The following CGGBP1 variants were observed in gnomAD, a reference collection of about 807,000 sequenced individuals.
CGGBP1 encodes the protein CGG triplet repeat binding protein 1, also known as CGG triplet repeat-binding protein 1.
In CGGBP1, 4 loss-of-function variants were observed where a neutral mutation model predicts 11.4. The ratio of observed to expected loss-of-function variants is 0.35; its 90% CI spans 0.17 to 0.80. The LOEUF (loss-of-function observed/expected upper bound fraction) is 0.80, where lower values mean the gene tolerates loss of function less well. Among genes scored for constraint, CGGBP1 ranks in the 30% least tolerant of loss-of-function variants. The probability of loss-of-function intolerance (pLI) is 0.52; values close to 1 mark genes in which losing one functional copy is unlikely to be tolerated. For synonymous variants in CGGBP1, 76 were observed against 74.1 expected, an observed-to-expected ratio of 1.03 and a Z score of -0.13; for missense variants, 135 against 202.1, an observed-to-expected ratio of 0.67 and a Z score of 2.01.
intron 2 of CGGBP1, among the ~76,000 whole-genome samples, chr3:88,135,733 G>A (rs4374552): frequency 0.78 from 119,052 of 151,922 alleles, 47,553 homozygotes; most frequent in South Asian, 0.91. Flanking sequence ...ACTTGCAAGT[G>A]AGTACAATCC....
At chr3:88,141,114 A>T in intron 1 of CGGBP1, 11 of 1,507,764 alleles carry the variant, frequency 7.3e-6, no homozygotes, top group Non-Finnish European at 8.0e-6. Flanking sequence ...TAAAACTATT[A>T]TAGATCTTTG....
upstream of CGGBP1, among the ~76,000 whole-genome samples, chr3:88,061,945 T>G (rs1380951459): frequency 6.6e-6 from 1 of 152,172 alleles, no homozygotes; most frequent in Non-Finnish European, 1.5e-5. Flanking sequence ...TTCCTCTTTT[T>G]AGAGGGAAAT....
intron 2 of CGGBP1, among the ~76,000 whole-genome samples, chr3:88,076,212 C>T (rs1054931463): frequency 6.6e-6 from 1 of 152,120 alleles, no homozygotes; most frequent in African/African-American, 2.4e-5. Flanking sequence ...TTATTATAGA[C>T]TTTCTGCCTT....
At chr3:88,116,486 CTCCA>C (rs770990718) in intron 2 of CGGBP1, among the ~76,000 whole-genome samples, 44 of 152,016 alleles carry the variant, frequency 2.9e-4, no homozygotes, top group Middle Eastern at 3.4e-3. Flanking sequence ...CACCATCGCA[CTCCA>C]TCCAGCCAGG....
chr3:88,139,299 A>C, intron 2 of CGGBP1: 2 of 1,580,704 alleles, frequency 1.3e-6, no homozygotes, highest in Non-Finnish European at 1.7e-6. Context: ...CAATGTCCCA[A>C]GGCATCGTTG....
chr3:88,139,713 C>G, intron 2 of CGGBP1: 1 of 1,567,934 alleles, frequency 6.4e-7, no homozygotes, highest in Non-Finnish European at 8.7e-7. Flanking sequence ...AAATGGCAGT[C>G]CTAATAATTC....
intron 2 of CGGBP1, among the ~76,000 whole-genome samples, chr3:88,070,758 C>T (rs991071953): frequency 2.0e-5 from 3 of 151,986 alleles, no homozygotes; most frequent in African/African-American, 4.8e-5. Context: ...CTCGTTTATC[C>T]TTTGCAAAAA....
At chr3:88,123,496 C>T (rs1705905937) in intron 2 of CGGBP1, among the ~76,000 whole-genome samples, 1 of 151,944 alleles carries the variant, frequency 6.6e-6, no homozygotes, top group African/African-American at 2.4e-5. Flanking sequence ...TAAAAGTGTC[C>T]CATAGTTGCC....
At chr3:88,085,509 C>A (rs1708293749) in intron 2 of CGGBP1, among the ~76,000 whole-genome samples, 2 of 152,148 alleles carry the variant, frequency 1.3e-5, no homozygotes, top group African/African-American at 4.8e-5. Flanking sequence ...ATCAGGCAGG[C>A]AGGCAGTAGT....
upstream of CGGBP1, among the ~76,000 whole-genome samples, chr3:88,061,153 C>T (rs1343279702): frequency 1.3e-5 from 2 of 152,050 alleles, no homozygotes; most frequent in African/African-American, 4.8e-5. Flanking sequence ...GATTTTGTAT[C>T]TATAGGAATT....
At chr3:88,124,518 G>T (rs950436517) in intron 2 of CGGBP1, among the ~76,000 whole-genome samples, 1 of 152,140 alleles carries the variant, frequency 6.6e-6, no homozygotes, top group Non-Finnish European at 1.5e-5. Context: ...GGAATGCAAC[G>T]TGGCATATAT....
intron 2 of CGGBP1, among the ~76,000 whole-genome samples, chr3:88,117,945 TAA>T (rs5850829): frequency 2.5e-4 from 37 of 147,776 alleles, no homozygotes; most frequent in Non-Finnish European, 3.0e-4. Context: ...AATAGATGAT[TAA>T]AAAAAAAAAA....
At chr3:88,075,208 G>A (rs937382113) in intron 2 of CGGBP1, among the ~76,000 whole-genome samples, 1 of 152,086 alleles carries the variant, frequency 6.6e-6, no homozygotes, top group African/African-American at 2.4e-5. Flanking sequence ...CTGTTGAGTG[G>A]CACCACTTCT....
At chr3:88,094,205 T>C (rs1311962559) in intron 2 of CGGBP1, among the ~76,000 whole-genome samples, 1 of 152,142 alleles carries the variant, frequency 6.6e-6, no homozygotes, top group Non-Finnish European at 1.5e-5. Flanking sequence ...ATTTTGTTTA[T>C]AGGATTTGTT....
intron 2 of CGGBP1, among the ~76,000 whole-genome samples, chr3:88,136,833 C>T (rs889797180): frequency 7.2e-5 from 11 of 152,098 alleles, no homozygotes; most frequent in Admixed American, 3.9e-4. Context: ...GCAGCCTGTT[C>T]TCTTTTTGGA....
intron 2 of CGGBP1, among the ~76,000 whole-genome samples, chr3:88,130,255 A>G (rs1201048451): frequency 6.6e-6 from 1 of 152,196 alleles, no homozygotes; most frequent in East Asian, 1.9e-4. Context: ...GTACACCCAT[A>G]TACACACATA....
intron 2 of CGGBP1, among the ~76,000 whole-genome samples, chr3:88,068,623 ATTGGAATGC>A (rs1396092271): frequency 6.6e-6 from 1 of 152,206 alleles, no homozygotes; most frequent in Admixed American, 6.5e-5. Context: ...GGAAGCTATT[ATTGGAATGC>A]TTTATATATG....
intron 2 of CGGBP1, among the ~76,000 whole-genome samples, chr3:88,110,175 T>C (rs1559716674): frequency 6.6e-6 from 1 of 152,148 alleles, no homozygotes; most frequent in Non-Finnish European, 1.5e-5. Flanking sequence ...GTTACTATTA[T>C]TGTGTTTTAT....
intron 2 of CGGBP1, chr3:88,140,402 A>C (rs762376583): frequency 6.2e-7 from 1 of 1,613,258 alleles, no homozygotes; most frequent in South Asian, 1.1e-5. Context: ...TTAGTCTGCC[A>C]GTTTCTACTA....
Sources: allele counts gnomAD v4.1 joint callset (sites outside exome capture counted in the v4.1 genomes callset), GRCh38; gene constraint gnomAD v4.1.1; transcripts MANE v1.5; gene names NCBI Gene and HGNC (gene_info 2026-07-23, HGNC 2026-07-21).